Variants in ABCG2 observed in about 807,000 individuals in gnomAD.
ABCG2 encodes the protein broad substrate specificity ATP-binding cassette transporter ABCG2.
In ABCG2, 80 loss-of-function variants were observed where a neutral mutation model predicts 73.5. The ratio of observed to expected loss-of-function variants is 1.09; its 90% CI spans 0.91 to 1.31. The LOEUF is 1.31. ABCG2 is among the 50% of genes most tolerant of loss of function. The pLI is 0.00. For synonymous variants in ABCG2, 269 were observed against 282.4 expected (o/e 0.95, Z 0.48); for missense variants, 796 against 786.2 (o/e 1.01, Z -0.15).
Position 88,099,331 on chromosome 4 carries a change from G to A in ABCG2, c.1485C>T (p.Phe495=). 6.3e-7 allele frequency: 1 copy of A among 1,594,972 alleles called. No homozygotes were observed. The highest frequency in any genetic ancestry group is 8.5e-7 in the Non-Finnish European group (1 of 1,172,736). ...GTTTTGTTACATACTTACCTAACAT[G>A]AAGTACACTATACAGGTAAATATAA... The part of the protein sequence containing the change: ...PSIIFTCIVY[F]MLGLKPKADA... The change falls in exon 12 of 16, where the codon TTC becomes TTT. Residue 495 remains phenylalanine, a synonymous_variant. Transcript: ENST00000237612.
chr4:88,222,560 A>C (rs1730050500), intron 1 of ABCG2, among the ~76,000 whole-genome samples: 1 of 152,214 alleles, frequency 6.6e-6, no homozygotes, highest in South Asian at 2.1e-4. Flanking sequence ...TTCTGCCATG[A>C]TTGAGGCTCC....
chr4:88,220,257 T>C (rs1247092401), intron 1 of ABCG2, among the ~76,000 whole-genome samples: 1 of 152,232 alleles, frequency 6.6e-6, no homozygotes, highest in Non-Finnish European at 1.5e-5. Flanking sequence ...CTTTTGGCTG[T>C]TGTAAATAAT....
At chr4:88,128,578 A>C (rs1724602776) in intron 5 of ABCG2, among the ~76,000 whole-genome samples, 1 of 152,228 alleles carries the variant, frequency 6.6e-6, no homozygotes, top group Non-Finnish European at 1.5e-5. Context: ...ACACCATGGA[A>C]TACTATGCAG....
intron 1 of ABCG2, among the ~76,000 whole-genome samples, chr4:88,171,381 A>G (rs890544725): frequency 6.6e-5 from 10 of 150,570 alleles, no homozygotes; most frequent in Non-Finnish European, 1.3e-4. Context: ...TGATTGAACT[A>G]AAGAGATGAC....
In ABCG2 at chr4:88,127,556, T is replaced by C. The variant is rs558627550; in HGVS notation, c.531+3505A>G. Among the ~76,000 whole-genome samples, 16 of 152,208 alleles carry C rather than the reference T, an allele frequency of 1.1e-4. No homozygotes were observed. In the South Asian group the frequency reaches 3.3e-3, roughly 32 times the overall value. On this transcript the variant is annotated intron_variant, in intron 5 of 15. Transcript: ENST00000237612. ...GGCTACAGTAGCCAAAACAGCATGG[T>C]ACTGGTACCAAAACAGATATATAGA...
intron 1 of ABCG2, among the ~76,000 whole-genome samples, chr4:88,178,241 AG>A (rs540536592): frequency 1.1e-3 from 163 of 152,292 alleles, no homozygotes; most frequent in African/African-American, 3.8e-3. Flanking sequence ...GCTCAACCAC[AG>A]TAGAATAGGG....
intron 5 of ABCG2, among the ~76,000 whole-genome samples, chr4:88,129,948 C>T (rs1490227654): frequency 1.3e-5 from 2 of 151,866 alleles, no homozygotes; most frequent in African/African-American, 2.4e-5. Flanking sequence ...ACCTAAAAGA[C>T]AGCTTAGCAT....
At chr4:88,200,893 A>C (rs1026114402) in intron 1 of ABCG2, among the ~76,000 whole-genome samples, 35 of 152,304 alleles carry the variant, frequency 2.3e-4, no homozygotes, top group African/African-American at 7.7e-4. Flanking sequence ...TATATGTAGA[A>C]ATTTTGAACT....
At position 88,095,570 on chromosome 4, in the gene ABCG2, A is replaced by T; in HGVS notation, c.1687T>A (p.Ser563Thr). Residue 563 changes from serine to threonine, a missense_variant, in exon 14 of 16, where the codon TCT (serine) becomes ACT (threonine). Ser to Thr is a moderately conservative substitution (Grantham distance 58). Transcript: ENST00000237612. ...GLLVNLTTIA[S>T]WLSWLQYFSI... Reference sequence around the variant, plus strand: ...AAGTACTGAAGCCATGACAGCCAAGATGCAATGGTTGTGAGATTGACCAAC... The same window carrying T: ...AAGTACTGAAGCCATGACAGCCAAGTTGCAATGGTTGTGAGATTGACCAAC... 6.2e-7 allele frequency: 1 copy of T among 1,613,872 alleles called. No individual in the cohort carries two copies. The highest frequency in any genetic ancestry group is 8.5e-7 in the Non-Finnish European group (1 of 1,179,756).
intron 1 of ABCG2, among the ~76,000 whole-genome samples, chr4:88,212,415 T>C (rs1165119773): frequency 1.3e-5 from 2 of 152,164 alleles, no homozygotes; most frequent in Non-Finnish European, 2.9e-5. Flanking sequence ...CTGTCTTAAT[T>C]CTTGGTGAAT....
intron 1 of ABCG2, among the ~76,000 whole-genome samples, chr4:88,198,995 A>G (rs7661664): frequency 0.3 from 44,993 of 151,792 alleles, 7,470 homozygotes; most frequent in African/African-American, 0.43. Flanking sequence ...TTGAGACAGA[A>G]TCTCGCTGTG....
chr4:88,208,658 C>T (rs1009022669), intron 1 of ABCG2, among the ~76,000 whole-genome samples: 1 of 152,156 alleles, frequency 6.6e-6, no homozygotes, highest in African/African-American at 2.4e-5. Context: ...GGATAGCAGC[C>T]TCAAACAGAT....
At chr4:88,178,164 C>A (rs1257417372) in intron 1 of ABCG2, among the ~76,000 whole-genome samples, 1 of 152,156 alleles carries the variant, frequency 6.6e-6, no homozygotes, top group Non-Finnish European at 1.5e-5. Context: ...GGGAGAAACT[C>A]CTCCCTTCCA....
intron 1 of ABCG2, among the ~76,000 whole-genome samples, chr4:88,168,537 A>C (rs1226022905): frequency 6.6e-6 from 1 of 151,782 alleles, no homozygotes; most frequent in East Asian, 1.9e-4. Flanking sequence ...TATAAAGTTC[A>C]CTTCTAAAAA....
intron 1 of ABCG2, among the ~76,000 whole-genome samples, chr4:88,191,941 T>G (rs1224116977): frequency 6.6e-6 from 1 of 152,030 alleles, no homozygotes; most frequent in African/African-American, 2.4e-5. Context: ...GAGGCCGAGG[T>G]AGGCAGATTA....
intron 5 of ABCG2, among the ~76,000 whole-genome samples, chr4:88,124,250 A>T (rs1438765198): frequency 3.3e-5 from 5 of 152,242 alleles, no homozygotes; most frequent in African/African-American, 1.2e-4. Context: ...AAGAAACTGC[A>T]TCAATTAATG....
chr4:88,175,124 C>A (rs1303477262), intron 1 of ABCG2, among the ~76,000 whole-genome samples: 1 of 152,212 alleles, frequency 6.6e-6, no homozygotes, highest in East Asian at 1.9e-4. Flanking sequence ...GGCAGCCCAG[C>A]AAACTACTAC....
At chr4:88,118,363 CCTGA>C (rs1578194999) in intron 6 of ABCG2, 103 bp from the exon 7 acceptor site, 2 of 1,262,382 alleles carry the variant, frequency 1.6e-6, no homozygotes, top group East Asian at 2.5e-5. Context: ...TCTAGTTCAG[CCTGA>C]CTTTGTCTTA....
At chr4:88,181,398 CAAAAAAAAAAA>C (rs57417105) in intron 1 of ABCG2, among the ~76,000 whole-genome samples, 54 of 96,880 alleles carry the variant, frequency 5.6e-4, no homozygotes, top group East Asian at 3.8e-3. Flanking sequence ...GACTCCATCT[CAAAAAAAAAAA>C]AAAAAAAAAA....
Sources: allele counts gnomAD v4.1 joint callset (sites outside exome capture counted in the v4.1 genomes callset), GRCh38; gene constraint gnomAD v4.1.1; transcripts MANE v1.5; gene names NCBI Gene and HGNC (gene_info 2026-07-23, HGNC 2026-07-21).